The following DARS1 variants were observed in gnomAD, a reference collection of about 807,000 sequenced individuals.
DARS1 encodes the protein aspartate--tRNA ligase, cytoplasmic.
In DARS1, 51 loss-of-function variants were observed where a neutral mutation model predicts 68.8. The ratio of observed to expected loss-of-function variants is 0.74; its 90% CI spans 0.59 to 0.94. The LOEUF is 0.94. Among genes scored for constraint, DARS1 ranks in the 40% least tolerant of loss-of-function variants. The pLI is 0.00. For missense variants in DARS1, 607 were observed against 597.3 expected (o/e 1.02, Z -0.17); for synonymous variants, 203 against 190.4 (o/e 1.07, Z -0.55).
chr2:135,908,711 T>C (rs541466503), intron 15 of DARS1, among the ~76,000 whole-genome samples: 2 of 152,358 alleles, frequency 1.3e-5, no homozygotes, highest in East Asian at 3.9e-4. Context: ...ATAAATGTCT[T>C]CTTTTGAGAA....
At chr2:135,920,861 G>A (rs925002349) in intron 9 of DARS1, among the ~76,000 whole-genome samples, 1 of 151,950 alleles carries the variant, frequency 6.6e-6, no homozygotes, top group Non-Finnish European at 1.5e-5. Flanking sequence ...GGGAATGCAA[G>A]ATCCTGAGGT....
intron 5 of DARS1, among the ~76,000 whole-genome samples, chr2:135,942,307 T>C (rs548246837): frequency 6.6e-6 from 1 of 152,126 alleles, no homozygotes; most frequent in South Asian, 2.1e-4. Context: ...ATATACACCA[T>C]GGAATACTAT....
intron 5 of DARS1, among the ~76,000 whole-genome samples, chr2:135,940,036 A>T (rs1681562254): frequency 6.6e-6 from 1 of 152,236 alleles, no homozygotes; most frequent in Admixed American, 6.5e-5. Context: ...AACCAAAAAA[A>T]GTCCAGGACC....
At chr2:135,974,554 C>T (rs1287586904) in intron 3 of DARS1, among the ~76,000 whole-genome samples, 1 of 152,122 alleles carries the variant, frequency 6.6e-6, no homozygotes, top group South Asian at 2.1e-4. Flanking sequence ...GGCTGGGAAA[C>T]TACTTTTAAT....
chr2:135,975,986 A>T (rs1455273181), intron 3 of DARS1, among the ~76,000 whole-genome samples: 9 of 152,176 alleles, frequency 5.9e-5, no homozygotes, highest in Admixed American at 5.9e-4. Context: ...ATCTGTAAAG[A>T]AGGATTACAG....
At chr2:135,907,505 T>C (rs1255587422) in intron 15 of DARS1, 98 bp from the exon 16 acceptor site, 11 of 759,344 alleles carry the variant, frequency 1.4e-5, no homozygotes, top group Admixed American at 6.2e-5. Flanking sequence ...ACTAAATACT[T>C]TTCCTTGTTA....
At chr2:135,962,106 AT>A (rs372094865) in intron 3 of DARS1, among the ~76,000 whole-genome samples, 8 of 150,654 alleles carry the variant, frequency 5.3e-5, no homozygotes, top group South Asian at 2.1e-4. Flanking sequence ...TGAGTCTCGC[AT>A]TTTTTTTTAC....
At chr2:135,918,022 C>A (rs1395707323) in intron 10 of DARS1, among the ~76,000 whole-genome samples, 1 of 151,994 alleles carries the variant, frequency 6.6e-6, no homozygotes, top group Non-Finnish European at 1.5e-5. Context: ...TGGGTTCAAG[C>A]AATTCTCCTG....
At chr2:135,940,050 C>T (rs536223687) in intron 5 of DARS1, among the ~76,000 whole-genome samples, 27 of 152,198 alleles carry the variant, frequency 1.8e-4, no homozygotes, top group Middle Eastern at 3.4e-3. Flanking sequence ...CAGGACCAGA[C>T]GGATTCACAA....
chr2:135,980,314 G>C (rs1392942352), intron 2 of DARS1: 1 of 152,174 alleles, frequency 6.6e-6, no homozygotes, highest in Admixed American at 6.5e-5. Flanking sequence ...GCAATCATTT[G>C]ATTAGAGAAA....
chr2:135,957,185 C>T (rs1338482575), intron 4 of DARS1, among the ~76,000 whole-genome samples: 1 of 152,048 alleles, frequency 6.6e-6, no homozygotes, highest in Non-Finnish European at 1.5e-5. Flanking sequence ...CCACCTCAGC[C>T]TCCAGAGTAG....
chr2:135,928,511 A>T lies in DARS1; in HGVS notation c.565-4013T>A, dbSNP rs544638307. 2.4e-3 allele frequency among the ~76,000 whole-genome samples: 358 copies of T among 149,688 alleles called. 1 individual carries two copies. The highest frequency in any genetic ancestry group is 8.3e-3 in the African/African-American group (339 of 40,736). ...AGGCACATGCCACCAAGCCTGGCTA[A>T]TTTTTTTTGTATTTTTAGTAGAGAC... On this transcript the variant is annotated intron_variant, in intron 7 of 15. Coordinates refer to ENST00000264161, the MANE Select transcript of DARS1 (RefSeq NM_001349.4).
chr2:135,914,628 A>T, intron 11 of DARS1, 117 bp from the exon 12 acceptor site: 1 of 767,308 alleles, frequency 1.3e-6, no homozygotes. Context: ...CAGAACACGC[A>T]GTTGTCTATT....
rs754076040 is a variant in DARS1 at position 135,916,252 on chromosome 2, G to A, written c.1080C>T (p.Val360=). The A allele has an allele frequency of 9.4e-6, 15 of 1,597,732 alleles. No individual in the cohort carries two copies. The highest frequency in any genetic ancestry group is 8.9e-5 in the East Asian group (4 of 44,754). The change falls in exon 11 of 16, where the codon GTC becomes GTT. Residue 360 remains valine (V), a synonymous_variant. Transcript: ENST00000264161. ...TCAGATCGTCTTCATCTCCCATTTC[G>A]ACTCCAGCTTCCCTAAGCATAGCCA... The part of the protein sequence containing the change: ...EALAMLREAG[V]EMGDEDDLST...
chr2:135,979,099 T>TA (rs1682563158), intron 3 of DARS1, 175 bp downstream of exon 3: 1 of 465,698 alleles, frequency 2.1e-6, no homozygotes. Flanking sequence ...AAGGATGTTT[T>TA]ACAGGAATCT....
chr2:135,912,848 C>T (rs578177225), intron 12 of DARS1, among the ~76,000 whole-genome samples: 4 of 151,134 alleles, frequency 2.6e-5, no homozygotes, highest in Non-Finnish European at 4.4e-5. Flanking sequence ...TGCTTAGGCT[C>T]GAGTGCATGA....
chr2:135,952,615 CA>C (rs1363516991), intron 4 of DARS1, among the ~76,000 whole-genome samples: 1 of 152,090 alleles, frequency 6.6e-6, no homozygotes. Flanking sequence ...ACATCTTTAG[CA>C]CATGAGATCA....
At chr2:135,930,164 T>C (rs542820576) in intron 7 of DARS1, among the ~76,000 whole-genome samples, 1 of 152,314 alleles carries the variant, frequency 6.6e-6, no homozygotes, top group South Asian at 2.1e-4. Context: ...AGGGTCAAAG[T>C]AGGGTTCATT....
chr2:135,941,500 G>T lies in DARS1; in HGVS notation c.423+1878C>A, dbSNP rs898187783. On this transcript the variant is annotated intron_variant, in intron 5 of 15. Coordinates refer to ENST00000264161, the MANE Select transcript of DARS1 (RefSeq NM_001349.4). Reference sequence around the variant, plus strand: ...GATCCCTTCCTTACACCTTATACAAGAATTAATTCAAGATGGATTAAAGAC... The same window carrying T: ...GATCCCTTCCTTACACCTTATACAATAATTAATTCAAGATGGATTAAAGAC... Among the ~76,000 whole-genome samples the T allele has an allele frequency of 2.4e-4, 36 of 151,740 alleles. 1 individual carries two copies. The highest frequency in any genetic ancestry group is 6.6e-4 in the Admixed American group (10 of 15,218).
Sources: gnomAD v4.1 joint callset for allele counts (sites outside exome capture counted in the v4.1 genomes callset) on GRCh38, gnomAD v4.1.1 for gene constraint, MANE v1.5 for transcripts, NCBI Gene and HGNC (gene_info 2026-07-23, HGNC 2026-07-21) for gene names.